The following PLEKHG6 variants were observed in gnomAD, a reference collection of about 807,000 sequenced individuals.
PLEKHG6 encodes the protein pleckstrin homology and RhoGEF domain containing G6.
A neutral mutation model predicts 97.5 loss-of-function variants in PLEKHG6; 91 were observed. That is an observed-to-expected ratio of 0.93 (90% CI 0.79 to 1.11). The LOEUF (loss-of-function observed/expected upper bound fraction) is 1.11, where lower values mean the gene tolerates loss of function less well. Among genes scored for constraint, PLEKHG6 ranks in the 50% most tolerant of loss-of-function variants. The pLI, the probability that PLEKHG6 is intolerant of heterozygous loss-of-function variation, is 0.00. For synonymous variants in PLEKHG6, 466 were observed against 425.5 expected (o/e 1.10, Z -1.17); for missense variants, 1,044 against 1,031.0 (o/e 1.01, Z -0.17).
intron 11 of PLEKHG6, 125 bp downstream of exon 11, chr12:6,318,545 A>T (rs1050631269): frequency 7.6e-7 from 1 of 1,313,072 alleles, no homozygotes; most frequent in East Asian, 2.5e-5. Context: ...AGCCCCAGTC[A>T]TTTGTGTGAC....
At chr12:6,312,116 C>A in intron 1 of PLEKHG6, 43 bp from the exon 2 acceptor site, 1 of 966,764 alleles carries the variant, frequency 1.0e-6, no homozygotes, top group Non-Finnish European at 1.5e-6. Context: ...GTGCCATTCA[C>A]TGATTGGGGA....
rs1171846474 is a variant in PLEKHG6 at position 6,319,109 on chromosome 12, G to A, written c.1524+1G>A. 6.3e-7 allele frequency: 1 copy of A among 1,598,726 alleles called. No homozygotes were observed. The highest frequency in any genetic ancestry group is 8.6e-7 in the Non-Finnish European group (1 of 1,168,292). The stretch of plus-strand genomic sequence containing the variant: ...GCTGGAGAAGACCCAGCAGGCCCAG[G>A]TATGGGAAAGCCAGCAACGGGGAGG... On this transcript the variant is annotated splice_donor_variant, in intron 13 of 15. Transcript: ENST00000684764. LOFTEE classifies it high-confidence loss of function.
Position 6,316,124 on chromosome 12 carries a change from C to T in PLEKHG6, c.607-131C>T. On this transcript the variant is annotated intron_variant, in intron 6 of 15. Transcript: ENST00000684764. The surrounding 1 kb of genome is among the most constrained non-coding windows in gnomAD (Gnocchi z 4.1). ...ACTGACATCCTTGAGATCTTCCAGGCCCAGTGCCCAGTTCATCCTTCTTCA... is the reference window on the plus strand; with the variant it reads ...ACTGACATCCTTGAGATCTTCCAGGTCCAGTGCCCAGTTCATCCTTCTTCA... The T allele has an allele frequency of 1.0e-6, 1 of 970,304 alleles. No homozygotes were observed. Among genetic ancestry groups the T allele is most frequent in the Admixed American group, 2.8e-5 (1 of 35,402 alleles). The allele number at this position is 970,304 out of a possible 1,614,324, so 60.1% of individuals were successfully genotyped here.
intron 2 of PLEKHG6, 94 bp from the exon 3 acceptor site, chr12:6,313,535 A>C: frequency 2.1e-6 from 3 of 1,430,394 alleles, no homozygotes; most frequent in Non-Finnish European, 2.9e-6. Flanking sequence ...GGGTGGGGGA[A>C]CAACATCTAG....
At position 6,327,810 on chromosome 12, in the gene PLEKHG6, C is replaced by T. The variant is rs772226256; in HGVS notation, c.2227C>T (p.Arg743Trp). The change falls in exon 15 of 16, where the codon CGG (arginine) becomes TGG (tryptophan). Residue 743 changes from arginine to tryptophan, a missense_variant. Coordinates refer to ENST00000684764, the MANE Select transcript of PLEKHG6 (RefSeq NM_001384598.1). Reference protein sequence around the residue: ...MRAEDMLREIREELASQRIEG... With the variant: ...MRAEDMLREIWEELASQRIEG... ...GGCTGAGGACATGCTCAGAGAGATC[C>T]GGGAGGAGCTGGCCAGCCAAAGGAT... The T allele has an allele frequency of 2.0e-5, 31 of 1,513,084 alleles. No homozygotes were observed. The highest frequency in any genetic ancestry group is 4.0e-5 in the South Asian group (3 of 74,910). The allele number at this position is 1,513,084 out of a possible 1,614,324, so 93.7% of individuals were successfully genotyped here.
At chr12:6,311,965 T>C (rs978779219) in intron 1 of PLEKHG6, among the ~76,000 whole-genome samples, 194 bp from the exon 2 acceptor site, 24 of 152,110 alleles carry the variant, frequency 1.6e-4, no homozygotes, top group African/African-American at 5.8e-4. Context: ...CTACCCAATA[T>C]GTACCTGGAC....
intron 13 of PLEKHG6, among the ~76,000 whole-genome samples, chr12:6,320,743 C>T (rs78775192): frequency 0.016 from 2,422 of 152,214 alleles, 53 homozygotes; most frequent in African/African-American, 0.046. Flanking sequence ...TTTGGGGGGG[C>T]CACTATTCAA....
rs1035866927 is a variant in PLEKHG6 at position 6,319,585 on chromosome 12, C to T, written c.1524+477C>T. The T allele has an allele frequency of 7.2e-6, 11 of 1,535,710 alleles. No individual in the cohort carries two copies. In the Admixed American group the frequency reaches 1.2e-4, roughly 16 times the overall value. ...ATGTGCCCCAGAGAGGGAGGCAGAG[C>T]CTCCACCATCCATCAGAAGACAGAA... On this transcript the variant is annotated intron_variant, in intron 13 of 15. Coordinates refer to ENST00000684764, the MANE Select transcript of PLEKHG6 (RefSeq NM_001384598.1).
In PLEKHG6 at chr12:6,317,668, C is replaced by A. The variant is rs1286836684; in HGVS notation, c.989C>A (p.Ala330Glu). ...LHAVLKRSPE[A>E]RAQEALNAMI... Reference sequence around the variant, plus strand: ...GCTGTGCTCAAGAGGAGCCCCGAGGCACGAGCCCAAGAGGCCCTGAATGCC... The same window carrying A: ...GCTGTGCTCAAGAGGAGCCCCGAGGAACGAGCCCAAGAGGCCCTGAATGCC... The change falls in exon 9 of 16, where the codon GCA (alanine) becomes GAA (glutamate). Residue 330 changes from alanine to glutamate, a missense_variant. By Grantham distance (107) the Ala-to-Glu change is moderately radical. Transcript: ENST00000684764. 3 of 1,613,856 alleles carry A rather than the reference C, an allele frequency of 1.9e-6. No homozygotes were observed. Among genetic ancestry groups the A allele is most frequent in the Non-Finnish European group, 2.5e-6 (3 of 1,180,010 alleles).
intron 13 of PLEKHG6, among the ~76,000 whole-genome samples, chr12:6,321,813 C>T (rs1194453693): frequency 1.1e-5 from 1 of 88,026 alleles, no homozygotes; most frequent in Non-Finnish European, 2.3e-5. Flanking sequence ...GGCGACAGAG[C>T]GAGACTCTGT....
At position 6,315,619 on chromosome 12, in the gene PLEKHG6, C is replaced by T. The variant is rs1947428792; in HGVS notation, c.525C>T (p.Ile175=). The T allele has an allele frequency of 6.3e-7, 1 of 1,589,882 alleles. No homozygotes were observed. The highest frequency in any genetic ancestry group is 1.3e-5 in the African/African-American group (1 of 74,496). The part of the protein sequence containing the change: ...ALWELLTTEL[I]YVRKLKIMTD... ...GGGAGCTCCTGACCACCGAGCTGAT[C>T]TACGTGAGAAAGCTCAAGATCATGA... is the stretch of plus-strand genomic sequence containing the variant. The change falls in exon 5 of 16, where the codon ATC becomes ATT. Residue 175 remains isoleucine, a synonymous_variant. Coordinates refer to ENST00000684764, the MANE Select transcript of PLEKHG6 (RefSeq NM_001384598.1). This position sits in a 1 kb window ranked among gnomAD's most constrained non-coding sequence, Gnocchi z 4.5.
At chr12:6,317,508 G>C (rs755298737) in intron 8 of PLEKHG6, 39 bp from the exon 9 acceptor site, 1 of 1,612,436 alleles carries the variant, frequency 6.2e-7, no homozygotes, top group Non-Finnish European at 8.5e-7. Flanking sequence ...GGCAGGGCAG[G>C]AGGGAGCAAA....
intron 13 of PLEKHG6, among the ~76,000 whole-genome samples, chr12:6,325,475 T>C (rs1210641218): frequency 6.6e-6 from 1 of 152,226 alleles, no homozygotes; most frequent in Non-Finnish European, 1.5e-5. Flanking sequence ...CTATTTCCTT[T>C]TGATGGTACC....
At chr12:6,322,111 C>G (rs1209715646) in intron 13 of PLEKHG6, among the ~76,000 whole-genome samples, 1 of 152,190 alleles carries the variant, frequency 6.6e-6, no homozygotes, top group African/African-American at 2.4e-5. Context: ...ACTCCAGATA[C>G]CCAGCGGCAA....
rs374606602 is a variant in PLEKHG6 at position 6,316,358 on chromosome 12, C to T, written c.710C>T (p.Ser237Leu). 17 of 1,566,662 alleles carry T rather than the reference C, an allele frequency of 1.1e-5. No individual in the cohort carries two copies. Among genetic ancestry groups the T allele is most frequent in the African/African-American group, 1.4e-5 (1 of 73,902 alleles). Residue 237 changes from serine to leucine, a missense_variant, in exon 7 of 16, where the codon TCG becomes TTG. Ser to Leu is a moderately radical substitution (Grantham distance 145). Coordinates refer to ENST00000684764, the MANE Select transcript of PLEKHG6 (RefSeq NM_001384598.1). The surrounding 1 kb of genome is among the most constrained non-coding windows in gnomAD (Gnocchi z 4.1). ...CCCACCCTGGAGGAGACTCGGGCCT[C>T]GGGCCAGCCTCTGGACCCCATTGGT... ...LGPTLEETRA[S>L]GQPLDPIGLQ...
At chr12:6,327,072 C>A (rs1023293128) in intron 14 of PLEKHG6, among the ~76,000 whole-genome samples, 182 bp from the exon 15 acceptor site, 1 of 152,168 alleles carries the variant, frequency 6.6e-6, no homozygotes, top group African/African-American at 2.4e-5. Flanking sequence ...ATAGAGGCAG[C>A]CCGTACTCTC....
At chr12:6,317,129 G>C (rs909496830) in intron 7 of PLEKHG6, among the ~76,000 whole-genome samples, 174 bp from the exon 8 acceptor site, 2 of 152,254 alleles carry the variant, frequency 1.3e-5, no homozygotes, top group East Asian at 3.8e-4. Context: ...CCAGAGAAAG[G>C]GGCGTAGCCT....
Position 6,328,214 on chromosome 12 carries a change from T to A in PLEKHG6, c.*69T>A, listed in dbSNP as rs1360933921. On this transcript the variant is annotated 3_prime_UTR_variant, in exon 16 of 16. Coordinates refer to ENST00000684764, the MANE Select transcript of PLEKHG6 (RefSeq NM_001384598.1). ...CTCTCCCCAGTAGTGCTGGTCACCC[T>A]CCGGCATCTGTGACTCTACCTCAAG... is the stretch of plus-strand genomic sequence containing the variant. 2.0e-6 allele frequency: 3 copies of A among 1,506,138 alleles called. No homozygotes were observed. In the African/African-American group the frequency reaches 4.1e-5, roughly 21 times the overall value. 93.3% of individuals were successfully genotyped at this position (1,506,138 alleles called of 1,614,324 possible).
At chr12:6,311,373 G>A (rs540893638) in intron 1 of PLEKHG6, among the ~76,000 whole-genome samples, 54 of 152,306 alleles carry the variant, frequency 3.5e-4, no homozygotes, top group African/African-American at 1.2e-3. Context: ...GGCAGTGGCC[G>A]GACAGCTGGC....
Sources: gnomAD v4.1 joint callset for allele counts (sites outside exome capture counted in the v4.1 genomes callset) on GRCh38, gnomAD v4.1.1 for gene constraint, Gnocchi (gnomAD v3.1) non-coding constraint, MANE v1.5 for transcripts, NCBI Gene and HGNC (gene_info 2026-07-23, HGNC 2026-07-21) for gene names.